The following KCNMA1 variants were observed in gnomAD, a reference collection of about 807,000 sequenced individuals.
The protein encoded by KCNMA1 is potassium calcium-activated channel subfamily M alpha 1, also known as Calcium-activated potassium channel subunit alpha-1.
A neutral mutation model predicts 140.0 loss-of-function variants in KCNMA1; 29 were observed. That is an observed-to-expected ratio of 0.21 (90% CI 0.15 to 0.28). KCNMA1 has a LOEUF of 0.28. KCNMA1 is among the 10% of genes least tolerant of loss of function. The pLI is 1.00. For missense variants in KCNMA1, 880 were observed against 1,602.2 expected, an observed-to-expected ratio of 0.55 and a Z score of 7.70; for synonymous variants, 612 against 611.9, an observed-to-expected ratio of 1.00 and a Z score of 0.00.
intron 2 of KCNMA1, among the ~76,000 whole-genome samples, chr10:77,351,483 G>T (rs543824819): frequency 6.6e-6 from 1 of 152,172 alleles, no homozygotes; most frequent in Non-Finnish European, 1.5e-5. Context: ...GGCTGGATAA[G>T]CCCATTTCAG....
intron 16 of KCNMA1, chr10:77,020,326 AC>A (rs2092687829): frequency 6.6e-6 from 1 of 152,152 alleles, no homozygotes; most frequent in Admixed American, 6.5e-5. Context: ...ACCCAGGTGA[AC>A]CTTTGTTCAC....
intron 2 of KCNMA1, among the ~76,000 whole-genome samples, chr10:77,323,781 C>T (rs892530143): frequency 6.6e-6 from 1 of 152,192 alleles, no homozygotes; most frequent in Non-Finnish European, 1.5e-5. Flanking sequence ...CCATGTCAGG[C>T]CTGTTGGATC....
chr10:77,629,939 TCTC>T (rs2092989761), intron 1 of KCNMA1, among the ~76,000 whole-genome samples: 1 of 152,168 alleles, frequency 6.6e-6, no homozygotes, highest in African/African-American at 2.4e-5. Flanking sequence ...AAAAAGCACA[TCTC>T]ATGGAAAAAG....
chr10:76,957,550 T>C (rs2068892048), intron 20 of KCNMA1, among the ~76,000 whole-genome samples: 1 of 152,220 alleles, frequency 6.6e-6, no homozygotes, highest in Non-Finnish European at 1.5e-5. Context: ...CAGTGGGTTT[T>C]CTATCATTGA....
intron 1 of KCNMA1, among the ~76,000 whole-genome samples, chr10:77,600,226 C>T (rs1344663614): frequency 6.6e-6 from 1 of 152,172 alleles, no homozygotes; most frequent in Non-Finnish European, 1.5e-5. Context: ...GTCCCCATGA[C>T]ATTTGCTACA....
chr10:77,102,338 A>C (rs2097119495), intron 9 of KCNMA1, among the ~76,000 whole-genome samples: 1 of 152,232 alleles, frequency 6.6e-6, no homozygotes, highest in African/African-American at 2.4e-5. Context: ...AATGGAGTGG[A>C]ATTCCACGTT....
chr10:77,559,850 C>T (rs1445680706), intron 1 of KCNMA1, among the ~76,000 whole-genome samples: 3 of 152,074 alleles, frequency 2.0e-5, no homozygotes, highest in Non-Finnish European at 2.9e-5. Context: ...AGCATTTAAG[C>T]ACCCTCAACT....
intron 23 of KCNMA1, among the ~76,000 whole-genome samples, chr10:76,938,097 C>T (rs1037845202): frequency 8.1e-6 from 1 of 123,234 alleles, no homozygotes; most frequent in Non-Finnish European, 1.8e-5. Flanking sequence ...CCCTCTCTTT[C>T]TGAGATGGTA....
At chr10:76,978,688 AT>A (rs1480730842) in intron 19 of KCNMA1, 2 of 152,162 alleles carry the variant, frequency 1.3e-5, no homozygotes, top group Admixed American at 6.5e-5. Context: ...ATAGATTTGG[AT>A]TTACTGTAGG....
intron 5 of KCNMA1, among the ~76,000 whole-genome samples, chr10:77,168,463 C>T (rs1302844477): frequency 6.6e-6 from 1 of 152,180 alleles, no homozygotes; most frequent in African/African-American, 2.4e-5. Flanking sequence ...ATGGTATAGC[C>T]TATTGCTCCT....
intron 2 of KCNMA1, among the ~76,000 whole-genome samples, chr10:77,387,588 T>TTTTCTTTTCTTTTCTTTTC (rs1381777464): frequency 7.5e-6 from 1 of 132,836 alleles, no homozygotes; most frequent in Non-Finnish European, 1.6e-5. Flanking sequence ...TTCTTTTCTC[T>TTTTCTTTTCTTTTCTTTTC]TTTCTTTTCT....
At chr10:77,203,436 CT>C (rs1565190805) in intron 3 of KCNMA1, among the ~76,000 whole-genome samples, 1 of 152,156 alleles carries the variant, frequency 6.6e-6, no homozygotes, top group Non-Finnish European at 1.5e-5. Flanking sequence ...AAAGCCTCCC[CT>C]GATCCTCCTC....
chr10:77,617,681 C>T (rs1220354362), intron 1 of KCNMA1, among the ~76,000 whole-genome samples: 4 of 152,154 alleles, frequency 2.6e-5, no homozygotes, highest in African/African-American at 9.7e-5. Context: ...CCATTGCAAG[C>T]CCCAGTTTTT....
At chr10:77,193,403 TA>T (rs943099066) in intron 3 of KCNMA1, among the ~76,000 whole-genome samples, 6 of 152,174 alleles carry the variant, frequency 3.9e-5, no homozygotes, top group Non-Finnish European at 7.3e-5. Flanking sequence ...TAGTTTTCAC[TA>T]AACTGTCTTA....
intron 2 of KCNMA1, among the ~76,000 whole-genome samples, chr10:77,392,970 T>C (rs557700936): frequency 2.4e-4 from 37 of 152,318 alleles, no homozygotes; most frequent in African/African-American, 8.9e-4. Context: ...CTGTGACACA[T>C]GCGCCCACAA....
At chr10:77,215,620 A>G (rs966925683) in intron 3 of KCNMA1, among the ~76,000 whole-genome samples, 1 of 152,180 alleles carries the variant, frequency 6.6e-6, no homozygotes, top group African/African-American at 2.4e-5. Context: ...CAGAGCAGAG[A>G]TAATAAACTT....
chr10:77,088,437 T>C (rs1299192360), intron 10 of KCNMA1, among the ~76,000 whole-genome samples: 1 of 151,696 alleles, frequency 6.6e-6, no homozygotes, highest in African/African-American at 2.4e-5. Context: ...GTTTTTGTTT[T>C]GTTTTGTTTT....
intron 22 of KCNMA1, among the ~76,000 whole-genome samples, chr10:76,946,561 A>G (rs1312395234): frequency 1.3e-5 from 2 of 152,168 alleles, no homozygotes; most frequent in African/African-American, 4.8e-5. Flanking sequence ...AGGAAGGGGC[A>G]TTTAGCACTG....
At chr10:77,294,460 G>A (rs1180994769) in intron 2 of KCNMA1, among the ~76,000 whole-genome samples, 2 of 152,180 alleles carry the variant, frequency 1.3e-5, no homozygotes, top group African/African-American at 4.8e-5. Context: ...ATCTTGGAAG[G>A]CAATGCAGCA....
Sources: gnomAD v4.1 joint callset for allele counts (sites outside exome capture counted in the v4.1 genomes callset) on GRCh38, gnomAD v4.1.1 for gene constraint, MANE v1.5 for transcripts, NCBI Gene and HGNC (gene_info 2026-07-23, HGNC 2026-07-21) for gene names.